The following COL4A5 variants were observed in gnomAD, a reference collection of about 807,000 sequenced individuals.
COL4A5 encodes the protein collagen type IV alpha 5 chain, also known as collagen alpha-5(IV) chain.
In COL4A5, 26 loss-of-function variants were observed where a neutral mutation model predicts 130.2. The ratio of observed to expected loss-of-function variants is 0.20; its 90% confidence interval spans 0.15 to 0.28. The LOEUF (loss-of-function observed/expected upper bound fraction) is 0.28, where lower values mean the gene tolerates loss of function less well. Ranked by LOEUF, COL4A5 falls within the 10% of genes least tolerant of loss-of-function variation. The probability of loss-of-function intolerance (pLI) is 1.00; values close to 1 mark genes in which losing one functional copy is unlikely to be tolerated. For missense variants in COL4A5, 1,131 were observed against 1,344.3 expected (o/e 0.84, Z 2.48); for synonymous variants, 496 against 439.6 (o/e 1.13, Z -1.60).
intron 1 of COL4A5, among the ~76,000 whole-genome samples, chrX:108,458,310 C>G (rs2147484128): frequency 9.0e-6 from 1 of 111,730 alleles, no homozygotes; most frequent in African/African-American, 3.3e-5. Context: ...CAGACTATCC[C>G]TTCCCCATTA....
intron 1 of COL4A5, among the ~76,000 whole-genome samples, chrX:108,444,243 G>T (rs535306216): frequency 1.9e-5 from 2 of 104,318 alleles, no homozygotes; most frequent in Non-Finnish European, 3.9e-5. Flanking sequence ...TTGAGATGGA[G>T]TCTTGCTCTG....
chrX:108,593,148 G>A (rs1334086876), intron 21 of COL4A5, among the ~76,000 whole-genome samples: 1 of 110,998 alleles, frequency 9.0e-6, no homozygotes, highest in Non-Finnish European at 1.9e-5. Context: ...TTTTTTGTAG[G>A]ACATAAACAC....
rs768842738 is a variant in COL4A5 at position 108,692,962 on chromosome X, CCA to C, written c.4706+38_4706+39del. On this transcript the variant is annotated intron_variant, in intron 50 of 52. Transcript: ENST00000328300. ...ATTTAGCTGTGACTTTTACCAATCCCCAGTTAGTTAGCTAGTCAGATTTGAGT... is the reference window on the plus strand; with the variant it reads ...ATTTAGCTGTGACTTTTACCAATCCCGTTAGTTAGCTAGTCAGATTTGAGT... 36 of 1,190,807 alleles carry C rather than the reference CCA, an allele frequency of 3.0e-5. No individual in the cohort carries two copies. In the South Asian group the frequency reaches 6.4e-4, roughly 21 times the overall value.
chrX:108,445,578 A>G (rs1230072552), intron 1 of COL4A5, among the ~76,000 whole-genome samples: 1 of 111,890 alleles, frequency 8.9e-6, no homozygotes, highest in Non-Finnish European at 1.9e-5. Flanking sequence ...TTCCCTTATT[A>G]TAGTATCAAA....
intron 36 of COL4A5, among the ~76,000 whole-genome samples, chrX:108,644,937 AG>A (rs1206659644): frequency 8.3e-5 from 9 of 108,228 alleles, no homozygotes; most frequent in Admixed American, 4.9e-4. Flanking sequence ...AAAAAAAAAA[AG>A]AAAGCAAAGA....
At position 108,588,092 on chromosome X, in the gene COL4A5, A is replaced by G. The variant is rs999132497; in HGVS notation, c.1165+1345A>G. Reference sequence around the variant, plus strand: ...CTTTGAAAACACACAGTATAGTGGAACATTTCTAATTTGGCCACAAATTGA... The same window carrying G: ...CTTTGAAAACACACAGTATAGTGGAGCATTTCTAATTTGGCCACAAATTGA... On this transcript the variant is annotated intron_variant, in intron 19 of 52. Transcript: ENST00000328300. Among the ~76,000 whole-genome samples the G allele has an allele frequency of 3.6e-5, 4 of 111,290 alleles. No individual in the cohort carries two copies. In the South Asian group the frequency reaches 1.5e-3, roughly 42 times the overall value.
intron 1 of COL4A5, among the ~76,000 whole-genome samples, chrX:108,460,027 A>C (rs773590389): frequency 8.9e-6 from 1 of 112,033 alleles, no homozygotes; most frequent in South Asian, 3.7e-4. Flanking sequence ...TAACTTTCCT[A>C]CATTTTGTGT....
At chrX:108,694,721 A>G (rs2068700909) in intron 50 of COL4A5, 86 bp from the exon 51 acceptor site, 1 of 720,048 alleles carries the variant, frequency 1.4e-6, no homozygotes, top group Admixed American at 2.2e-5. Context: ...CGGCTTCCAT[A>G]CTAAGAAGGC....
At chrX:108,601,639 C>G (rs1293056999) in intron 26 of COL4A5, among the ~76,000 whole-genome samples, 154 bp downstream of exon 26, 3 of 108,505 alleles carry the variant, frequency 2.8e-5, no homozygotes, top group Admixed American at 9.8e-5. Context: ...AAGCAGTTCT[C>G]CCTGCCTCAG....
At chrX:108,549,529 G>A (rs1308506055) in intron 2 of COL4A5, among the ~76,000 whole-genome samples, 2 of 111,743 alleles carry the variant, frequency 1.8e-5, no homozygotes, top group African/African-American at 6.5e-5. Flanking sequence ...AGGAAAATTA[G>A]AAAATGATTT....
intron 1 of COL4A5, among the ~76,000 whole-genome samples, chrX:108,502,406 C>T (rs778835987): frequency 1.8e-5 from 2 of 110,821 alleles, no homozygotes; most frequent in Admixed American, 1.9e-4. Flanking sequence ...CTGCCTCAGC[C>T]TCCTGAGTAG....
At chrX:108,452,384 G>T (rs761350502) in intron 1 of COL4A5, among the ~76,000 whole-genome samples, 15 of 111,534 alleles carry the variant, frequency 1.3e-4, no homozygotes, top group African/African-American at 4.6e-4. Flanking sequence ...AGCTTGATGG[G>T]GATGGCATTG....
In COL4A5 at chrX:108,603,218, C is replaced by T. The variant is rs192551533; in HGVS notation, c.2244+157C>T. On this transcript the variant is annotated intron_variant, in intron 28 of 52. Transcript: ENST00000328300. ...ATATTTCCATTAAAAAAATATTTAA[C>T]CCCAAATCATCTTTAATAGTCCAAG... Among the ~76,000 whole-genome samples, 45 of 106,098 alleles carry T rather than the reference C, an allele frequency of 4.2e-4. No individual in the cohort carries two copies. In the East Asian group the frequency reaches 8.8e-3, roughly 21 times the overall value. The allele number at this position is 106,098 out of a possible 115,157, so 92.1% of individuals were successfully genotyped here.
chrX:108,590,917 G>T, intron 19 of COL4A5, 141 bp from the exon 20 acceptor site: 1 of 535,057 alleles, frequency 1.9e-6, no homozygotes, highest in Non-Finnish European at 3.0e-6. Flanking sequence ...CTTTTTTTCA[G>T]ACTTTTGAGT....
intron 49 of COL4A5, among the ~76,000 whole-genome samples, chrX:108,688,638 T>C (rs989802378): frequency 2.7e-5 from 3 of 111,377 alleles, no homozygotes; most frequent in African/African-American, 9.8e-5. Flanking sequence ...GGTTTCACCA[T>C]GTTGGCCAGG....
chrX:108,587,147 T>A (rs2066349574), intron 19 of COL4A5, among the ~76,000 whole-genome samples: 1 of 111,619 alleles, frequency 9.0e-6, no homozygotes, highest in Admixed American at 9.5e-5. Flanking sequence ...TTCTAGCTGT[T>A]TTGAAATATA....
intron 1 of COL4A5, among the ~76,000 whole-genome samples, chrX:108,517,920 T>A (rs2065235032): frequency 9.0e-6 from 1 of 111,303 alleles, no homozygotes; most frequent in Non-Finnish European, 1.9e-5. Flanking sequence ...AATACTAACT[T>A]GTTTATTTCT....
At chrX:108,524,116 T>C (rs926006606) in intron 1 of COL4A5, among the ~76,000 whole-genome samples, 1 of 111,641 alleles carries the variant, frequency 9.0e-6, no homozygotes, top group East Asian at 2.8e-4. Context: ...AAACCTACTA[T>C]GTACCCACAA....
chrX:108,628,031 A>G (rs753810981), intron 36 of COL4A5, among the ~76,000 whole-genome samples: 1 of 110,931 alleles, frequency 9.0e-6, no homozygotes, highest in South Asian at 3.7e-4. Flanking sequence ...AAATTATACT[A>G]TACATCTGCT....
Sources: gnomAD v4.1 joint callset for allele counts (sites outside exome capture counted in the v4.1 genomes callset) on GRCh38, gnomAD v4.1.1 for gene constraint, MANE v1.5 for transcripts, NCBI Gene and HGNC (gene_info 2026-07-23, HGNC 2026-07-21) for gene names.